The following PLOD3 variants were observed in gnomAD, a reference collection of about 807,000 sequenced individuals.
The protein encoded by PLOD3 is procollagen-lysine,2-oxoglutarate 5-dioxygenase 3, also known as multifunctional procollagen lysine hydroxylase and glycosyltransferase LH3.
Under a neutral mutation model 96.9 loss-of-function variants are expected in PLOD3, and 73 were observed. The observed-to-expected ratio is 0.75, with a 90% CI of 0.62 to 0.92. PLOD3 has a LOEUF of 0.92. PLOD3 is among the 40% of genes least tolerant of loss of function. The pLI, the probability that PLOD3 is intolerant of heterozygous loss-of-function variation, is 0.00. For synonymous variants in PLOD3, 454 were observed against 413.7 expected, an observed-to-expected ratio of 1.10 and a Z score of -1.18; for missense variants, 1,004 against 1,004.3, an observed-to-expected ratio of 1.00 and a Z score of 0.00.
At chr7:101,214,049 G>A (rs1798230482) in intron 6 of PLOD3, among the ~76,000 whole-genome samples, 1 of 151,798 alleles carries the variant, frequency 6.6e-6, no homozygotes, top group Non-Finnish European at 1.5e-5. Context: ...CAGCCAGGCT[G>A]GTCTCAAACT....
chr7:101,207,864 C>G (rs183293104), intron 16 of PLOD3, 140 bp from the exon 17 acceptor site: 1 of 903,626 alleles, frequency 1.1e-6, no homozygotes, highest in Non-Finnish European at 1.7e-6. Context: ...TGCTACTTCT[C>G]GGCCTGACTC....
intron 15 of PLOD3, 117 bp downstream of exon 15, chr7:101,209,976 C>T (rs949752487): frequency 1.6e-6 from 1 of 621,330 alleles, no homozygotes; most frequent in South Asian, 1.9e-5. Flanking sequence ...CTTGTCTGAA[C>T]AGAAAACCCT....
Position 101,210,406 on chromosome 7 carries a change from G to C in PLOD3, c.1539C>G (p.Gly513=). Residue 513 remains glycine (G), a synonymous_variant, in exon 14 of 19, where the codon GGC becomes GGG. Transcript: ENST00000223127. The stretch of plus-strand genomic sequence containing the variant: ...CGTATCTGGAAGTGGCCAGGAGCCG[G>C]CCAAATTCATGCTGATTGCTCAGAT... ...FLHLSNQHEF[G]RLLATSRYDT... is the part of the protein sequence containing the mutation. The C allele has an allele frequency of 6.2e-7, 1 of 1,614,100 alleles. No individual in the cohort carries two copies. Among genetic ancestry groups the C allele is most frequent in the African/African-American group, 1.3e-5 (1 of 75,072 alleles).
In PLOD3 at chr7:101,217,558, C is replaced by G. The variant is rs1321393520; in HGVS notation, c.-284G>C. 2.1e-6 allele frequency: 1 copy of G among 482,924 alleles called. No individual in the cohort carries two copies. Among genetic ancestry groups the G allele is most frequent in the Non-Finnish European group, 3.7e-6 (1 of 273,784 alleles). 29.9% of individuals were successfully genotyped at this position (482,924 alleles called of 1,614,324 possible). A position where few individuals can be genotyped will look rare whatever the true frequency, so the allele number is the denominator to read the frequency against. On this transcript the variant is annotated 5_prime_UTR_variant, in exon 1 of 19. Coordinates refer to ENST00000223127, the MANE Select transcript of PLOD3 (RefSeq NM_001084.5). ...GCGGGCGGGAGACAGGGACTCTGGG[C>G]TGAGCCAGCCGCTTGACACATGTGG...
At position 101,217,151 on chromosome 7, in the gene PLOD3, TC is replaced by T; in HGVS notation, c.109+14del. On this transcript the variant is annotated intron_variant, in intron 1 of 18. Transcript: ENST00000223127. ...TCTGCCCCCTCGGCCGTGCCGGGCC[TC>T]CCCGGGATCTCACCTGGGTTGACCG... The T allele has an allele frequency of 1.4e-6, 2 of 1,455,322 alleles. No individual in the cohort carries two copies. Among genetic ancestry groups the T allele is most frequent in the Non-Finnish European group, 1.8e-6 (2 of 1,105,610 alleles). The allele number at this position is 1,455,322 out of a possible 1,614,324, so 90.2% of individuals were successfully genotyped here.
chr7:101,213,203 A>C lies in PLOD3; in HGVS notation c.681T>G (p.Asp227Glu). The C allele has an allele frequency of 1.9e-6, 3 of 1,607,900 alleles. No individual in the cohort carries two copies. Among genetic ancestry groups the C allele is most frequent in the Non-Finnish European group, 1.7e-6 (2 of 1,174,488 alleles). Reference sequence around the variant, plus strand: ...TCCGATCAAACTTTAAAACCACTTCATCTGGGGAAGAAAAAGGCCAGGCTT... The same window carrying C: ...TCCGATCAAACTTTAAAACCACTTCCTCTGGGGAAGAAAAAGGCCAGGCTT... ...RIFQNLNGAL[D>E]EVVLKFDRNR... Residue 227 changes from aspartate to glutamate, a missense_variant and splice_region_variant, in exon 7 of 19, where the codon GAT (aspartate) becomes GAG (glutamate). Physicochemically the swap from Asp to Glu is conservative, Grantham distance 45. Around this residue, in one of 5 missense-constraint regions of PLOD3, gnomAD observed 690 missense variants for 650.2 expected, o/e 1.06. Transcript: ENST00000223127.
In PLOD3 at chr7:101,210,438, AG is replaced by A; in HGVS notation, c.1506del (p.Phe503SerfsTer4). On this transcript the variant is annotated frameshift_variant, in exon 14 of 19. Coordinates refer to ENST00000223127, the MANE Select transcript of PLOD3 (RefSeq NM_001084.5). LOFTEE classifies it high-confidence loss of function. ...AFCKSFRDKG[I>X]FLHLSNQHEF... ...TCATGCTGATTGCTCAGATGGAGGA[AG>A]ATGCCCTGTAGTGGGGTGGGGGTGT... The A allele has an allele frequency of 6.2e-7, 1 of 1,614,064 alleles. No homozygotes were observed. The highest frequency in any genetic ancestry group is 1.1e-5 in the South Asian group (1 of 91,060).
In PLOD3 at chr7:101,211,582, G is replaced by A. The variant is rs768279492; in HGVS notation, c.1358+9C>T. 10 of 1,597,644 alleles carry A rather than the reference G, an allele frequency of 6.3e-6. No homozygotes were observed. Among genetic ancestry groups the A allele is most frequent in the South Asian group, 2.3e-5 (2 of 88,384 alleles). On this transcript the variant is annotated intron_variant, in intron 12 of 18. Transcript: ENST00000223127. ...AGGAGGCGGGGGGCTGCAGGCTGGC[G>A]GGACTCACACTCGCTTCCGCTGCAC...
chr7:101,210,654 A>G lies in PLOD3; in HGVS notation c.1378T>C (p.Tyr460His). The G allele has an allele frequency of 6.2e-7, 1 of 1,614,060 alleles. No homozygotes were observed. Among genetic ancestry groups the G allele is most frequent in the Non-Finnish European group, 8.5e-7 (1 of 1,180,016 alleles). ...RKRVGVWNVP[Y>H]ISQAYVIRGD... is the part of the protein sequence containing the mutation. ...CGGATCACATAGGCCTGGGAGATGT[A>G]TGGTACATTCCACACACCCCTGGAG... Residue 460 changes from tyrosine (Y) to histidine (H), a missense_variant, in exon 13 of 19, where the codon TAC (tyrosine) becomes CAC (histidine). Transcript: ENST00000223127.
chr7:101,208,709 G>C (rs1276722436), intron 16 of PLOD3, 144 bp downstream of exon 16: 13 of 677,382 alleles, frequency 1.9e-5, no homozygotes, highest in Non-Finnish European at 3.0e-5. Context: ...TTGAATACAT[G>C]AATGAATGCA....
rs1357311807 is a variant in PLOD3, at chr7:101,206,297, G to A, written c.2201C>T (p.Ser734Phe). Residue 734 changes from serine to phenylalanine, a missense_variant, in exon 19 of 19, where the codon TCC (serine) becomes TTC (phenylalanine). Transcript: ENST00000223127. Reference protein sequence around the residue: ...TTWGTRYIMVSFVDP With the variant: ...TTWGTRYIMVFFVDP Reference sequence around the variant, plus strand: ...GGTTGAGTGTCAGGGGTCGACAAAGGACACCATGATGTAGCGTGTGCCCCA... The same window carrying A: ...GGTTGAGTGTCAGGGGTCGACAAAGAACACCATGATGTAGCGTGTGCCCCA... 30 of 1,613,862 alleles carry A rather than the reference G, an allele frequency of 1.9e-5. No homozygotes were observed. Among genetic ancestry groups the A allele is most frequent in the Non-Finnish European group, 2.4e-5 (28 of 1,179,958 alleles).
Position 101,207,708 on chromosome 7 carries a change from C to A in PLOD3, c.1805G>T (p.Gly602Val), listed in dbSNP as rs1351922678. ...GGRHEDSRLAGGYENVPTVDI... is the reference protein window; with the variant it reads ...GGRHEDSRLAVGYENVPTVDI... The stretch of plus-strand genomic sequence containing the variant: ...CACGGTGGGCACATTCTCGTAGCCT[C>A]CAGCCAGCCTTGAATCCTGGGGGCG... The change falls in exon 17 of 19, where the codon GGA becomes GTA. Residue 602 changes from glycine (G) to valine (V), a missense_variant. Gly to Val is a moderately radical substitution (Grantham distance 109). Transcript: ENST00000223127. 6.2e-7 allele frequency: 1 copy of A among 1,613,934 alleles called. No homozygotes were observed. Among genetic ancestry groups the A allele is most frequent in the East Asian group, 2.2e-5 (1 of 44,848 alleles).
At chr7:101,214,331 A>T (rs1207187020) in intron 6 of PLOD3, among the ~76,000 whole-genome samples, 2 of 151,582 alleles carry the variant, frequency 1.3e-5, no homozygotes, top group Non-Finnish European at 2.9e-5. Flanking sequence ...GGTTTTCGCC[A>T]TGTTGGCCAG....
rs1798250247 is a variant in PLOD3, at chr7:101,215,297, T to C, written c.616-145A>G. ...GGCACGATCTCAGCTCACTGCAACC[T>C]CTGCCTCCCGGTTTAATTGATTCTC... On this transcript the variant is annotated intron_variant, in intron 5 of 18. Coordinates refer to ENST00000223127, the MANE Select transcript of PLOD3 (RefSeq NM_001084.5). 5 of 729,216 alleles carry C rather than the reference T, an allele frequency of 6.9e-6. No individual in the cohort carries two copies. In the South Asian group the frequency reaches 7.1e-5, roughly 10 times the overall value. 45.2% of individuals were successfully genotyped at this position (729,216 alleles called of 1,614,324 possible).
In PLOD3 at chr7:101,208,839, G is replaced by C. The variant is rs561097214; in HGVS notation, c.1788+14C>G. On this transcript the variant is annotated intron_variant, in intron 16 of 18. Transcript: ENST00000223127. ...CTCTGGGAAGGCCTCTGCCCTCCTC[G>C]CCCAGGCCCTTACCTCATGCCGGCC... 10 of 1,559,846 alleles carry C rather than the reference G, an allele frequency of 6.4e-6. No individual in the cohort carries two copies. In the South Asian group the frequency reaches 6.7e-5, roughly 10 times the overall value.
chr7:101,209,080 A>G, intron 15 of PLOD3, 123 bp from the exon 16 acceptor site: 1 of 746,006 alleles, frequency 1.3e-6, no homozygotes, highest in Non-Finnish European at 2.4e-6. Flanking sequence ...GCAGCCGGGG[A>G]CCCGCCAGGT....
chr7:101,209,762 G>C (rs1035161910), intron 15 of PLOD3: 1 of 258,008 alleles, frequency 3.9e-6, no homozygotes, highest in African/African-American at 2.2e-5. Context: ...GCTGGTCTTG[G>C]ACTTCTGGCC....
rs991852692 is a variant in PLOD3 at position 101,209,955 on chromosome 7, T to A, written c.1683+138A>T. The A allele has an allele frequency of 6.6e-6, 4 of 606,266 alleles. No individual in the cohort carries two copies. The African/African-American group carries it at 7.4e-5, about 11-fold the overall frequency. The allele number at this position is 606,266 out of a possible 1,614,324, so 37.6% of individuals were successfully genotyped here. ...GGGCAAGAGTCCTTTCTGTTCGGCCTCTGCCTTCATCTTGTCTGAACAGAA... is the reference window on the plus strand; with the variant it reads ...GGGCAAGAGTCCTTTCTGTTCGGCCACTGCCTTCATCTTGTCTGAACAGAA... On this transcript the variant is annotated intron_variant, in intron 15 of 18. Transcript: ENST00000223127.
In PLOD3 at chr7:101,216,524, C is replaced by G; in HGVS notation, c.224G>C (p.Trp75Ser). The G allele has an allele frequency of 6.2e-7, 1 of 1,614,174 alleles. No individual in the cohort carries two copies. Among genetic ancestry groups the G allele is most frequent in the Middle Eastern group, 1.6e-4 (1 of 6,062 alleles). The change falls in exon 3 of 19, where the codon TGG (tryptophan) becomes TCG (serine). Residue 75 changes from tryptophan (W) to serine (S), a missense_variant. Physicochemically the swap from Trp to Ser is radical, Grantham distance 177 (BLOSUM62 -3). Around this residue, in one of 5 missense-constraint regions of PLOD3, gnomAD observed 690 missense variants for 650.2 expected, o/e 1.06. Transcript: ENST00000223127. Reference protein sequence around the residue: ...TVRTLGLGEEWRGGDVARTVG... With the variant: ...TVRTLGLGEESRGGDVARTVG... ...TGTTCGAGCCACATCACCCCCTCGC[C>G]ACTCCTCTCCCAGGCCCAGGGTCTG...
Sources: allele counts gnomAD v4.1 joint callset (sites outside exome capture counted in the v4.1 genomes callset), GRCh38; gene constraint gnomAD v4.1.1; regional missense constraint gnomAD v4.1.1; transcripts MANE v1.5; gene names NCBI Gene and HGNC (gene_info 2026-07-23, HGNC 2026-07-21).